GREB1L: variants seen among roughly 807,000 people sequenced by gnomAD.
GREB1L encodes GREB1-like protein.
Under a neutral mutation model 200.8 loss-of-function variants are expected in GREB1L, and 17 were observed. The observed-to-expected ratio is 0.08, with a 90% CI of 0.06 to 0.13. The LOEUF (loss-of-function observed/expected upper bound fraction) is 0.13. Among genes scored for constraint, GREB1L ranks in the 10% least tolerant of loss-of-function variants. The pLI, the probability that GREB1L is intolerant of heterozygous loss-of-function variation, is 1.00. For missense variants in GREB1L, 1,657 were observed against 2,367.7 expected (o/e 0.70, Z 6.23); for synonymous variants, 789 against 893.0 (o/e 0.88, Z 2.08).
intron 16 of GREB1L, among the ~76,000 whole-genome samples, chr18:21,473,913 G>A (rs2035584202): frequency 6.6e-6 from 1 of 152,158 alleles, no homozygotes; most frequent in African/African-American, 2.4e-5. Flanking sequence ...GAATGAGGAA[G>A]ATGTAAAAGC....
At chr18:21,501,066 C>CAAAAAAAA (rs11295281) in intron 23 of GREB1L, among the ~76,000 whole-genome samples, 1 of 87,048 alleles carries the variant, frequency 1.1e-5, no homozygotes. Context: ...GACTTTGTCT[C>CAAAAAAAA]AAAAAAAAAA....
Position 21,267,183 on chromosome 18 carries a change from C to T in GREB1L, c.-120+24790C>T, listed in dbSNP as rs535604825. ...TCCTGGCCTCGTGATCTGCCTGCCT[C>T]GGCCGCTTTTTTTTTTTTTTTTTTT... On this transcript the variant is annotated intron_variant, in intron 1 of 32. Transcript: ENST00000424526. Among the ~76,000 whole-genome samples the T allele has an allele frequency of 1.5e-4, 21 of 143,638 alleles. No homozygotes were observed. In the South Asian group the frequency reaches 3.8e-3, roughly 26 times the overall value. The allele number at this position is 143,638 out of a possible 152,430, so 94.2% of individuals were successfully genotyped here.
chr18:21,499,919 G>A lies in GREB1L; in HGVS notation c.3582G>A (p.Ala1194=), dbSNP rs1394202414. The A allele has an allele frequency of 2.1e-5, 33 of 1,549,882 alleles. No homozygotes were observed. Among genetic ancestry groups the A allele is most frequent in the East Asian group, 7.3e-5 (3 of 40,886 alleles). Residue 1194 remains alanine, a synonymous_variant, in exon 22 of 33, where the codon GCG becomes GCA. Coordinates refer to ENST00000424526, the MANE Select transcript of GREB1L (RefSeq NM_001142966.3). ...GTGACTCCCTGGGCCCCCAGATGGCGAGCAGCACCACCTCCAAGCCGTCAT... is the reference window on the plus strand; with the variant it reads ...GTGACTCCCTGGGCCCCCAGATGGCAAGCAGCACCACCTCCAAGCCGTCAT... ...QECDSLGPQM[A]SSTTSKPSSS... is the part of the protein sequence containing the mutation.
chr18:21,268,556 CACACATATATATATAT>C (rs1484197491), intron 1 of GREB1L, among the ~76,000 whole-genome samples: 1,685 of 95,666 alleles, frequency 0.018, 44 homozygotes, highest in African/African-American at 0.083. Context: ...CACACACACA[CACACATATATATATAT>C]ATATATATAT....
At chr18:21,458,524 A>T (rs2034883970) in intron 15 of GREB1L, among the ~76,000 whole-genome samples, 1 of 152,250 alleles carries the variant, frequency 6.6e-6, no homozygotes, top group African/African-American at 2.4e-5. Flanking sequence ...CAGAAAGGGC[A>T]CATCCTTGGC....
At chr18:21,318,572 A>G (rs2038907322) in intron 1 of GREB1L, among the ~76,000 whole-genome samples, 1 of 152,218 alleles carries the variant, frequency 6.6e-6, no homozygotes, top group Non-Finnish European at 1.5e-5. Context: ...ACAATTTTGA[A>G]AATTTTAAAT....
intron 1 of GREB1L, among the ~76,000 whole-genome samples, chr18:21,312,534 TTTTA>T (rs551473535): frequency 0.02 from 3,007 of 150,536 alleles, 100 homozygotes; most frequent in African/African-American, 0.07. Context: ...TTATTCTTTA[TTTTA>T]TTTATTTATT....
chr18:21,498,465 G>T (rs191404464), intron 21 of GREB1L, among the ~76,000 whole-genome samples: 1 of 152,132 alleles, frequency 6.6e-6, no homozygotes, highest in Non-Finnish European at 1.5e-5. Context: ...GGATAGTAAA[G>T]GTTCACAGAA....
Position 21,291,007 on chromosome 18 carries a change from C to T in GREB1L, c.-120+48614C>T, listed in dbSNP as rs1409238170. 2.6e-5 allele frequency among the ~76,000 whole-genome samples: 4 copies of T among 151,986 alleles called. No individual in the cohort carries two copies. In the East Asian group the frequency reaches 7.7e-4, roughly 29 times the overall value. On this transcript the variant is annotated intron_variant, in intron 1 of 32. Transcript: ENST00000424526. ...ACGCTTGTCCTATAGGATATTTGTC[C>T]AGCCAAGCAGTTTATTCTCTAAACA...
At chr18:21,429,276 T>TCCTCTCCTCC (rs1568002951) in intron 7 of GREB1L, among the ~76,000 whole-genome samples, 1 of 106,524 alleles carries the variant, frequency 9.4e-6, no homozygotes, top group East Asian at 3.3e-4. Flanking sequence ...TCCTCTCCTC[T>TCCTCTCCTCC]CCTCTCCTCC....
chr18:21,448,813 G>A (rs1301423497), intron 11 of GREB1L, among the ~76,000 whole-genome samples: 1 of 152,106 alleles, frequency 6.6e-6, no homozygotes, highest in Non-Finnish European at 1.5e-5. Context: ...AGAGAATAAG[G>A]AAGAAAATCC....
At chr18:21,323,769 G>A (rs913934463) in intron 1 of GREB1L, among the ~76,000 whole-genome samples, 1 of 152,112 alleles carries the variant, frequency 6.6e-6, no homozygotes, top group Admixed American at 6.5e-5. Flanking sequence ...TTAAATCAAA[G>A]TTCTGAAAGT....
At chr18:21,355,448 T>C (rs1470969264) in intron 1 of GREB1L, among the ~76,000 whole-genome samples, 1 of 152,126 alleles carries the variant, frequency 6.6e-6, no homozygotes, top group African/African-American at 2.4e-5. Flanking sequence ...TGCCTCGGCC[T>C]CCCAAAGTGC....
chr18:21,352,441 AAT>A (rs1356217083), intron 1 of GREB1L, among the ~76,000 whole-genome samples: 5 of 150,616 alleles, frequency 3.3e-5, no homozygotes, highest in Admixed American at 1.3e-4. Flanking sequence ...TATATATATA[AAT>A]ATATATATAT....
chr18:21,399,888 A>T (rs1346261455), intron 5 of GREB1L, among the ~76,000 whole-genome samples: 4 of 152,232 alleles, frequency 2.6e-5, no homozygotes, highest in East Asian at 1.9e-4. Context: ...TGAGATTAGG[A>T]TGTTGTGAAA....
intron 1 of GREB1L, among the ~76,000 whole-genome samples, chr18:21,275,650 AT>A (rs1567917906): frequency 6.6e-6 from 1 of 152,176 alleles, no homozygotes; most frequent in Non-Finnish European, 1.5e-5. Flanking sequence ...GGATGACAGG[AT>A]TAAATAAAAT....
chr18:21,321,162 C>T (rs1365056480), intron 1 of GREB1L, among the ~76,000 whole-genome samples: 2 of 151,334 alleles, frequency 1.3e-5, no homozygotes, highest in Admixed American at 6.6e-5. Context: ...GGCATGGTGG[C>T]ATGCGCCTGT....
chr18:21,300,575 A>G (rs1275764501), intron 1 of GREB1L, among the ~76,000 whole-genome samples: 6 of 152,250 alleles, frequency 3.9e-5, no homozygotes, highest in East Asian at 1.9e-4. Flanking sequence ...CTTTGCAGAG[A>G]TGCTTTGATG....
chr18:21,467,825 G>A (rs535478346), intron 15 of GREB1L, among the ~76,000 whole-genome samples: 1 of 152,036 alleles, frequency 6.6e-6, no homozygotes, highest in Admixed American at 6.6e-5. Context: ...GAGATTGAGA[G>A]CATTCTGGCT....
Sources: gnomAD v4.1 joint callset for allele counts (sites outside exome capture counted in the v4.1 genomes callset) on GRCh38, gnomAD v4.1.1 for gene constraint, MANE v1.5 for transcripts, NCBI Gene and HGNC (gene_info 2026-07-23, HGNC 2026-07-21) for gene names.